The following KCNN2 variants were observed in gnomAD, a reference collection of about 807,000 sequenced individuals.
The protein encoded by KCNN2 is small conductance calcium-activated potassium channel protein 2.
Under a neutral mutation model 55.5 loss-of-function variants are expected in KCNN2, and 24 were observed. The ratio of observed to expected loss-of-function variants is 0.43; its 90% confidence interval spans 0.31 to 0.61. The LOEUF (loss-of-function observed/expected upper bound fraction) is 0.61, where lower values mean the gene tolerates loss of function less well. Among genes scored for constraint, KCNN2 ranks in the 20% least tolerant of loss-of-function variants. The probability of loss-of-function intolerance (pLI) is 0.08; values close to 1 mark genes in which losing one functional copy is unlikely to be tolerated. For synonymous variants in KCNN2, 431 were observed against 336.1 expected, an observed-to-expected ratio of 1.28 and a Z score of -3.09; for missense variants, 754 against 853.6, an observed-to-expected ratio of 0.88 and a Z score of 1.45.
chr5:114,199,020 G>A (rs1394126341), intron 1 of KCNN2, among the ~76,000 whole-genome samples: 1 of 152,074 alleles, frequency 6.6e-6, no homozygotes, highest in Non-Finnish European at 1.5e-5. Flanking sequence ...AGTGCTATGA[G>A]TGGGGTATTA....
chr5:114,125,014 C>T (rs1313943225), intron 1 of KCNN2, among the ~76,000 whole-genome samples: 1 of 151,374 alleles, frequency 6.6e-6, no homozygotes, highest in Non-Finnish European at 1.5e-5. Context: ...TCAGTCAATA[C>T]AGTAGTACCT....
chr5:114,464,307 T>A (rs910278985), intron 4 of KCNN2, among the ~76,000 whole-genome samples: 2 of 152,210 alleles, frequency 1.3e-5, no homozygotes, highest in South Asian at 4.1e-4. Context: ...CTTTATCTAC[T>A]TTTTAAAGTT....
At chr5:114,136,817 G>A (rs1752183451) in intron 1 of KCNN2, among the ~76,000 whole-genome samples, 1 of 152,260 alleles carries the variant, frequency 6.6e-6, no homozygotes, top group African/African-American at 2.4e-5. Context: ...ATTATATTAA[G>A]TGAGAACCTT....
intron 2 of KCNN2, among the ~76,000 whole-genome samples, chr5:114,299,600 G>T (rs1459063957): frequency 6.6e-6 from 1 of 152,172 alleles, no homozygotes; most frequent in Non-Finnish European, 1.5e-5. Flanking sequence ...TGTAACATCT[G>T]TGTCATCTGT....
intron 1 of KCNN2, among the ~76,000 whole-genome samples, chr5:114,064,078 C>G (rs1208270369): frequency 1.3e-5 from 2 of 152,156 alleles, no homozygotes; most frequent in African/African-American, 4.8e-5. Flanking sequence ...GTGTTCTACT[C>G]CCAGAGATTG....
At chr5:114,351,632 CT>C (rs1757204989) in intron 2 of KCNN2, among the ~76,000 whole-genome samples, 1 of 151,710 alleles carries the variant, frequency 6.6e-6, no homozygotes, top group African/African-American at 2.4e-5. Context: ...CAACCTCTTC[CT>C]GGTATTCCTA....
chr5:114,449,918 T>TCA (rs1760593915), intron 3 of KCNN2, among the ~76,000 whole-genome samples: 1 of 133,234 alleles, frequency 7.5e-6, no homozygotes, highest in African/African-American at 3.6e-5. Context: ...ACGCGCGCGC[T>TCA]CGCGTGCGCG....
chr5:114,220,962 A>T (rs1361946628), intron 1 of KCNN2, among the ~76,000 whole-genome samples: 9 of 152,238 alleles, frequency 5.9e-5, no homozygotes, highest in African/African-American at 2.2e-4. Context: ...TGAAGAATTA[A>T]TGAGAATTTC....
chr5:114,318,639 A>C (rs1241140125), intron 2 of KCNN2, among the ~76,000 whole-genome samples: 1 of 151,520 alleles, frequency 6.6e-6, no homozygotes, highest in Non-Finnish European at 1.5e-5. Flanking sequence ...ATTATGTATA[A>C]TTTATTATAC....
At position 114,188,477 on chromosome 5, in the gene KCNN2, A is replaced by T. The variant is rs189351765; in HGVS notation, c.-270-33003A>T. ...TATTAATAGAAGTCTTAGGCAATGC[A>T]AAAAAGATAAAAATTATGAAAATAC... On this transcript the variant is annotated intron_variant, in intron 1 of 10. Coordinates refer to the KCNN2 transcript ENST00000512097. 5.3e-5 allele frequency among the ~76,000 whole-genome samples: 8 copies of T among 152,290 alleles called. No individual in the cohort carries two copies. In the East Asian group the frequency reaches 1.5e-3, roughly 29 times the overall value.
chr5:114,256,303 A>T (rs1754982075), intron 2 of KCNN2, among the ~76,000 whole-genome samples: 1 of 152,172 alleles, frequency 6.6e-6, no homozygotes. Context: ...GATTGATCCC[A>T]TAGCTTGGCT....
chr5:114,376,428 C>A (rs1757947801), intron 2 of KCNN2, among the ~76,000 whole-genome samples: 1 of 152,154 alleles, frequency 6.6e-6, no homozygotes, highest in Non-Finnish European at 1.5e-5. Flanking sequence ...GCAAGGTGAT[C>A]AGTGTGATGG....
chr5:114,171,915 AT>A (rs1753040670), intron 1 of KCNN2, among the ~76,000 whole-genome samples: 1 of 151,814 alleles, frequency 6.6e-6, no homozygotes, highest in Admixed American at 6.6e-5. Context: ...GTGTGAACTT[AT>A]CAGTATAATT....
At chr5:114,470,202 T>G (rs181055182) in intron 4 of KCNN2, among the ~76,000 whole-genome samples, 1 of 152,278 alleles carries the variant, frequency 6.6e-6, no homozygotes, top group East Asian at 1.9e-4. Context: ...TCCACTCCTG[T>G]TAGGATTTTG....
At chr5:114,335,287 G>A (rs971064002) in intron 2 of KCNN2, among the ~76,000 whole-genome samples, 13 of 152,072 alleles carry the variant, frequency 8.5e-5, no homozygotes, top group African/African-American at 3.1e-4. Flanking sequence ...CCAGATTCCA[G>A]TTCCCCTTAT....
chr5:114,147,378 C>T (rs1402739036), intron 1 of KCNN2, among the ~76,000 whole-genome samples: 1 of 152,112 alleles, frequency 6.6e-6, no homozygotes, highest in Non-Finnish European at 1.5e-5. Context: ...ATGTTTGGAT[C>T]AAAGCCGGAA....
Position 114,373,640 on chromosome 5 carries a change from T to TTATATA in KCNN2, c.1218+9652_1218+9657dup, listed in dbSNP as rs61356539. On this transcript the variant is annotated intron_variant, in intron 2 of 7. Coordinates refer to ENST00000673685, the MANE Select transcript of KCNN2 (RefSeq NM_021614.4). ...CTCTCATGGTGTTGTTATGAAGATT[T>TTATATA]TATATATATATATATATAAAATTAC... 1.0e-2 allele frequency among the ~76,000 whole-genome samples: 566 copies of TTATATA among 56,708 alleles called. 153 individuals carry two copies. The East Asian group carries it at 0.22, about 22-fold the overall frequency. 37.2% of individuals were successfully genotyped at this position (56,708 alleles called of 152,430 possible).
chr5:114,145,168 G>T (rs910061588), intron 1 of KCNN2, among the ~76,000 whole-genome samples: 3 of 152,174 alleles, frequency 2.0e-5, no homozygotes, highest in African/African-American at 7.2e-5. Flanking sequence ...TTAAATCTAC[G>T]ATATAATAGG....
chr5:114,347,204 A>C (rs1486466443), intron 2 of KCNN2, among the ~76,000 whole-genome samples: 2 of 152,210 alleles, frequency 1.3e-5, no homozygotes, highest in South Asian at 4.1e-4. Context: ...ATTGGTGCTA[A>C]AATTACTGGG....
Sources: allele counts gnomAD v4.1 joint callset (sites outside exome capture counted in the v4.1 genomes callset), GRCh38; gene constraint gnomAD v4.1.1; transcripts MANE v1.5; gene names NCBI Gene and HGNC (gene_info 2026-07-23, HGNC 2026-07-21).